ASIC2: variants seen among roughly 807,000 people sequenced by gnomAD.
The protein encoded by ASIC2 is acid-sensing ion channel 2.
Under a neutral mutation model 57.3 loss-of-function variants are expected in ASIC2, and 25 were observed. The ratio of observed to expected loss-of-function variants is 0.44; its 90% CI spans 0.32 to 0.61. The LOEUF (loss-of-function observed/expected upper bound fraction) is 0.61, where lower values mean the gene tolerates loss of function less well. Among genes scored for constraint, ASIC2 ranks in the 20% least tolerant of loss-of-function variants. ASIC2 has a pLI of 0.06. For missense variants in ASIC2, 641 were observed against 738.1 expected (o/e 0.87, Z 1.52); for synonymous variants, 319 against 307.5 (o/e 1.04, Z -0.39).
chr17:33,433,338 G>A (rs1911484068), intron 1 of ASIC2, among the ~76,000 whole-genome samples: 1 of 152,196 alleles, frequency 6.6e-6, no homozygotes, highest in Admixed American at 6.5e-5. Context: ...TTATAAGTGG[G>A]AGCTAAATGA....
chr17:33,877,461 A>G (rs1188480094), intron 1 of ASIC2, among the ~76,000 whole-genome samples: 1 of 152,222 alleles, frequency 6.6e-6, no homozygotes, highest in African/African-American at 2.4e-5. Flanking sequence ...ATGGCACACC[A>G]GGAGATTATA....
At chr17:34,004,677 T>C (rs1040240486) in intron 1 of ASIC2, 56 of 152,346 alleles carry the variant, frequency 3.7e-4, no homozygotes, top group African/African-American at 1.3e-3. Context: ...ACCTACCACA[T>C]ATAGTTAGGA....
rs551856312 is a variant in ASIC2, at chr17:33,481,825, C to T, written c.556-369758G>A. On this transcript the variant is annotated intron_variant, in intron 1 of 9. Transcript: ENST00000359872. ...CTTGAACGAGCTGCCTCAGCCTTGT[C>T]GCCGCTCCATTACCTCCCATCCATG... Among the ~76,000 whole-genome samples the T allele has an allele frequency of 2.0e-5, 3 of 152,318 alleles. No individual in the cohort carries two copies. In the East Asian group the frequency reaches 5.8e-4, roughly 29 times the overall value.
At chr17:33,803,619 G>A (rs1334072545) in intron 1 of ASIC2, among the ~76,000 whole-genome samples, 1 of 142,906 alleles carries the variant, frequency 7.0e-6, no homozygotes, top group Non-Finnish European at 1.5e-5. Flanking sequence ...TAACAACAAG[G>A]CTTTGGCTTC....
At chr17:33,031,634 C>A (rs182885465) in intron 3 of ASIC2, among the ~76,000 whole-genome samples, 59 of 152,210 alleles carry the variant, frequency 3.9e-4, no homozygotes, top group African/African-American at 1.3e-3. Context: ...TATTGTTGCT[C>A]GGATCTTCTA....
At chr17:33,040,990 A>G (rs1181314203) in intron 3 of ASIC2, among the ~76,000 whole-genome samples, 1 of 152,182 alleles carries the variant, frequency 6.6e-6, no homozygotes, top group Non-Finnish European at 1.5e-5. Flanking sequence ...ACAGGGCCAG[A>G]CACTGGGGCT....
chr17:33,187,859 C>T (rs552203861), intron 1 of ASIC2, among the ~76,000 whole-genome samples: 1 of 140,422 alleles, frequency 7.1e-6, no homozygotes, highest in Non-Finnish European at 1.5e-5. Context: ...CATCCAACAA[C>T]ATGACATTCA....
chr17:33,601,525 A>G (rs757117673), intron 1 of ASIC2, among the ~76,000 whole-genome samples: 39 of 152,202 alleles, frequency 2.6e-4, no homozygotes, highest in Middle Eastern at 3.2e-3. Context: ...CTATTTCTGC[A>G]GGTGTGCAGA....
At chr17:33,786,891 T>C (rs555748270) in intron 1 of ASIC2, among the ~76,000 whole-genome samples, 47 of 152,332 alleles carry the variant, frequency 3.1e-4, no homozygotes, top group African/African-American at 1.0e-3. Context: ...TGAGCTGCAG[T>C]ACATCATCAA....
chr17:33,158,434 G>A (rs959271249), intron 1 of ASIC2, among the ~76,000 whole-genome samples: 5 of 152,202 alleles, frequency 3.3e-5, no homozygotes, highest in African/African-American at 4.8e-5. Context: ...GGTCTAGGGG[G>A]TGAATGAAGG....
At chr17:33,948,354 C>G (rs929337715) in intron 1 of ASIC2, among the ~76,000 whole-genome samples, 1 of 152,226 alleles carries the variant, frequency 6.6e-6, no homozygotes, top group Admixed American at 6.5e-5. Context: ...CCCGCAGGAG[C>G]CTCATTTTGT....
chr17:34,058,091 C>T (rs998398192), intron 1 of ASIC2, among the ~76,000 whole-genome samples: 3 of 152,214 alleles, frequency 2.0e-5, no homozygotes, highest in Non-Finnish European at 4.4e-5. Context: ...GAAGACTTGT[C>T]ACAGCTCCTT....
At chr17:33,455,349 T>C (rs1377143801) in intron 1 of ASIC2, among the ~76,000 whole-genome samples, 1 of 152,166 alleles carries the variant, frequency 6.6e-6, no homozygotes, top group Admixed American at 6.6e-5. Context: ...CCTCCCTTTC[T>C]CTCCCTCCAG....
intron 1 of ASIC2, among the ~76,000 whole-genome samples, chr17:33,516,363 AGTGT>A (rs893867960): frequency 1.3e-5 from 2 of 149,092 alleles, no homozygotes; most frequent in African/African-American, 2.5e-5. Context: ...TGTGTGTGTG[AGTGT>A]GAGTGTGAAT....
chr17:33,557,523 A>C (rs1475234711), intron 1 of ASIC2, among the ~76,000 whole-genome samples: 2 of 152,200 alleles, frequency 1.3e-5, no homozygotes, highest in Non-Finnish European at 2.9e-5. Flanking sequence ...CAAGCATCTC[A>C]ACAGAGCATT....
chr17:34,079,644 G>C (rs1909803739), intron 1 of ASIC2, among the ~76,000 whole-genome samples: 1 of 152,188 alleles, frequency 6.6e-6, no homozygotes, highest in African/African-American at 2.4e-5. Flanking sequence ...CCTAACACAG[G>C]ACTGACACCC....
intron 1 of ASIC2, among the ~76,000 whole-genome samples, chr17:33,714,245 T>A (rs1258233169): frequency 9.2e-5 from 14 of 152,174 alleles, no homozygotes; most frequent in Admixed American, 9.2e-4. Flanking sequence ...ACACTTAAGG[T>A]ACTCAATCAG....
intron 1 of ASIC2, among the ~76,000 whole-genome samples, chr17:34,077,787 C>T (rs558568069): frequency 1.3e-5 from 2 of 152,242 alleles, no homozygotes; most frequent in South Asian, 2.1e-4. Flanking sequence ...AAGCTAAGTG[C>T]CCAGAGAGAG....
At chr17:33,458,378 G>T (rs1455678640) in intron 1 of ASIC2, among the ~76,000 whole-genome samples, 1 of 152,130 alleles carries the variant, frequency 6.6e-6, no homozygotes, top group Non-Finnish European at 1.5e-5. Flanking sequence ...TTTATTCCAG[G>T]ATCTGTAGGG....
Sources: allele counts gnomAD v4.1 joint callset (sites outside exome capture counted in the v4.1 genomes callset), GRCh38; gene constraint gnomAD v4.1.1; transcripts MANE v1.5; gene names NCBI Gene and HGNC (gene_info 2026-07-23, HGNC 2026-07-21).